PDXDC1: variants seen among roughly 807,000 people sequenced by gnomAD.
The protein encoded by PDXDC1 is pyridoxal dependent decarboxylase domain containing 1.
PDXDC1 carries 42 observed loss-of-function variants against 100.1 expected under a neutral mutation model. The ratio of observed to expected loss-of-function variants is 0.42; its 90% CI spans 0.33 to 0.54. The LOEUF is 0.54. Ranked by LOEUF, PDXDC1 falls within the 20% of genes least tolerant of loss-of-function variation. PDXDC1 has a pLI of 0.10. For synonymous variants in PDXDC1, 260 were observed against 371.7 expected, an observed-to-expected ratio of 0.70 and a Z score of 3.46; for missense variants, 636 against 979.2, an observed-to-expected ratio of 0.65 and a Z score of 4.68.
rs2046250508 is a variant in PDXDC1 at position 15,094,061 on chromosome 16, T to C, written c.1400-44818T>C. On this transcript the variant is annotated intron_variant, in intron 16 of 16. Transcript: ENST00000535621. ...CTCCTATCACACGCCATGAGCTTTG[T>C]CCCACATCCTTTCAATCCGCTCCTC... 3.1e-5 allele frequency: 39 copies of C among 1,244,568 alleles called. 1 individual carries two copies. The South Asian group carries it at 4.6e-4, about 15-fold the overall frequency. 77.1% of individuals were successfully genotyped at this position (1,244,568 alleles called of 1,614,324 possible).
chr16:15,079,096 C>A (rs1325281542), intron 16 of PDXDC1, among the ~76,000 whole-genome samples: 4 of 152,278 alleles, frequency 2.6e-5, no homozygotes, highest in East Asian at 3.9e-4. Flanking sequence ...ATGCGTGAGC[C>A]ACCACGCCCG....
intron 16 of PDXDC1, among the ~76,000 whole-genome samples, chr16:15,082,611 T>A (rs771683438): frequency 6.6e-6 from 1 of 151,770 alleles, no homozygotes. Flanking sequence ...AGGCAGAGGC[T>A]GCAGCGAGCT....
chr16:15,136,139 C>G (rs146542398), intron 16 of PDXDC1: 6 of 1,448,262 alleles, frequency 4.1e-6, no homozygotes, highest in African/African-American at 4.1e-5. Flanking sequence ...CTCCTGGGGG[C>G]GGGTGTGGGA....
intron 1 of PDXDC1, among the ~76,000 whole-genome samples, chr16:14,991,617 C>T (rs1298818063): frequency 2.0e-5 from 3 of 151,708 alleles, no homozygotes; most frequent in African/African-American, 7.3e-5. Context: ...CTCCTGGGCT[C>T]AAGCAATCCT....
At chr16:14,982,563 AAG>A (rs1968239053) in intron 1 of PDXDC1, among the ~76,000 whole-genome samples, 3 of 152,118 alleles carry the variant, frequency 2.0e-5, no homozygotes, top group Admixed American at 6.5e-5. Context: ...TCAAAAAAAA[AAG>A]AAGATGGGAG....
intron 1 of PDXDC1, among the ~76,000 whole-genome samples, chr16:14,987,354 C>G (rs1358152302): frequency 3.3e-5 from 5 of 152,272 alleles, no homozygotes. Flanking sequence ...GAGCACTGGT[C>G]CTAGAATTTT....
At chr16:15,101,476 C>A (rs1248190216) in intron 16 of PDXDC1, among the ~76,000 whole-genome samples, 1 of 152,014 alleles carries the variant, frequency 6.6e-6, no homozygotes, top group African/African-American at 2.4e-5. Context: ...ACTACCATGC[C>A]CAGCTGTTTT....
intron 16 of PDXDC1, chr16:15,083,602 T>C: frequency 6.3e-7 from 1 of 1,588,658 alleles, no homozygotes. Context: ...AAAAATTAAA[T>C]CAATCCATGT....
chr16:15,131,375 T>C lies in PDXDC1; in HGVS notation c.1400-7504T>C, dbSNP rs943551548. 26 of 1,589,598 alleles carry C rather than the reference T, an allele frequency of 1.6e-5. No homozygotes were observed. The African/African-American group carries it at 3.5e-4, about 21-fold the overall frequency. On this transcript the variant is annotated intron_variant, in intron 16 of 16. Transcript: ENST00000535621. ...CTGATATAGCCAAAGGGAAAGGGAT[T>C]GGAGTCCACCAGAAAGATGAGCTGC...
At chr16:15,089,738 T>C (rs1163095481) in intron 16 of PDXDC1, among the ~76,000 whole-genome samples, 1 of 127,712 alleles carries the variant, frequency 7.8e-6, no homozygotes, top group Non-Finnish European at 1.5e-5. Context: ...AGGCGGAGCT[T>C]GCAGTGAGCC....
At chr16:15,142,693 C>T (rs1418936109), downstream of PDXDC1, among the ~76,000 whole-genome samples, 5 of 152,272 alleles carry the variant, frequency 3.3e-5, no homozygotes, top group African/African-American at 7.2e-5. Context: ...TTGCCATCGC[C>T]GTTCTGGGGG....
intron 1 of PDXDC1, among the ~76,000 whole-genome samples, chr16:14,994,126 A>G (rs1971469465): frequency 6.6e-6 from 1 of 152,278 alleles, no homozygotes; most frequent in Non-Finnish European, 1.5e-5. Context: ...TTTGCTTTGC[A>G]GAAGCTCTTT....
chr16:15,007,511 C>T (rs1258690222), intron 6 of PDXDC1, among the ~76,000 whole-genome samples: 2 of 152,356 alleles, frequency 1.3e-5, no homozygotes, highest in East Asian at 3.9e-4. Context: ...TGCTTCTAGC[C>T]CAACTGGGAG....
At chr16:15,085,773 G>A (rs1281914639) in intron 16 of PDXDC1, 2 of 1,588,472 alleles carry the variant, frequency 1.3e-6, no homozygotes, top group Non-Finnish European at 1.7e-6. Context: ...AAAAGTTACT[G>A]ACCTAGACAA....
intron 16 of PDXDC1, among the ~76,000 whole-genome samples, chr16:15,101,413 T>C (rs1401829407): frequency 6.6e-6 from 1 of 152,186 alleles, no homozygotes. Context: ...GCCTCCAAGA[T>C]GCAAATGATT....
intron 16 of PDXDC1, among the ~76,000 whole-genome samples, chr16:15,129,559 G>A (rs1399779821): frequency 2.6e-5 from 4 of 152,252 alleles, no homozygotes; most frequent in African/African-American, 9.6e-5. Flanking sequence ...TGAGAGACGA[G>A]CTATGCAGTC....
chr16:15,064,983 A>T lies in PDXDC1; in HGVS notation c.1399+34927A>T, dbSNP rs570359313. Among the ~76,000 whole-genome samples the T allele has an allele frequency of 5.9e-5, 9 of 152,222 alleles. No individual in the cohort carries two copies. The East Asian group carries it at 9.7e-4, about 16-fold the overall frequency. On this transcript the variant is annotated intron_variant, in intron 16 of 16. Transcript: ENST00000535621. ...AGATCGAGAACATCCCGGCTAACAC[A>T]GTCAAACCCCGTCTCTACTAAAAAT...
chr16:15,140,668 A>C (rs1331077634), downstream of PDXDC1, among the ~76,000 whole-genome samples: 2 of 152,042 alleles, frequency 1.3e-5, no homozygotes, highest in Non-Finnish European at 2.9e-5. Flanking sequence ...CCGAGTTACA[A>C]ACCAGGTCCT....
At chr16:15,054,846 CAAACA>C (rs2044439589) in intron 16 of PDXDC1, among the ~76,000 whole-genome samples, 1 of 152,168 alleles carries the variant, frequency 6.6e-6, no homozygotes, top group South Asian at 2.1e-4. Flanking sequence ...AACAAACAAG[CAAACA>C]AAATAATCAC....
Sources: gnomAD v4.1 joint callset for allele counts (sites outside exome capture counted in the v4.1 genomes callset) on GRCh38, gnomAD v4.1.1 for gene constraint, MANE v1.5 for transcripts, NCBI Gene and HGNC (gene_info 2026-07-23, HGNC 2026-07-21) for gene names.